CTNNA3: variants seen among roughly 807,000 people sequenced by gnomAD.
The protein encoded by CTNNA3 is catenin alpha 3, also known as catenin alpha-3.
A neutral mutation model predicts 95.7 loss-of-function variants in CTNNA3; 76 were observed. That is an observed-to-expected ratio of 0.79 (90% CI 0.66 to 0.96). CTNNA3 has a LOEUF of 0.96. CTNNA3 is among the 40% of genes least tolerant of loss of function. The pLI, the probability that CTNNA3 is intolerant of heterozygous loss-of-function variation, is 0.00. For synonymous variants in CTNNA3, 431 were observed against 374.4 expected (o/e 1.15, Z -1.74); for missense variants, 1,191 against 1,089.8 (o/e 1.09, Z -1.31).
chr10:67,724,889 A>C (rs1279920031), intron 1 of CTNNA3, among the ~76,000 whole-genome samples: 1 of 152,150 alleles, frequency 6.6e-6, no homozygotes, highest in Non-Finnish European at 1.5e-5. Flanking sequence ...CCAAATACAT[A>C]TTTATACAAC....
chr10:66,798,470 A>C (rs1042064372), intron 7 of CTNNA3, among the ~76,000 whole-genome samples: 1 of 151,748 alleles, frequency 6.6e-6, no homozygotes, highest in Non-Finnish European at 1.5e-5. Context: ...AAAATGGTGT[A>C]AAAGTGATGG....
intron 1 of CTNNA3, among the ~76,000 whole-genome samples, chr10:67,728,416 A>G (rs116184503): frequency 0.018 from 2,730 of 149,748 alleles, 85 homozygotes; most frequent in African/African-American, 0.063. Flanking sequence ...AATATATACT[A>G]TATGTATGTA....
At chr10:66,893,170 A>G (rs1465137976) in intron 7 of CTNNA3, among the ~76,000 whole-genome samples, 1 of 152,130 alleles carries the variant, frequency 6.6e-6, no homozygotes, top group Non-Finnish European at 1.5e-5. Flanking sequence ...CCGTGCATGC[A>G]GTTCTCTGTT....
chr10:67,048,453 C>T (rs1023459001), intron 7 of CTNNA3, among the ~76,000 whole-genome samples: 3 of 152,024 alleles, frequency 2.0e-5, no homozygotes, highest in African/African-American at 4.8e-5. Context: ...TTTTCATTCA[C>T]TGTCAGGTAC....
chr10:66,131,934 A>C (rs2083124268), intron 13 of CTNNA3, among the ~76,000 whole-genome samples: 1 of 152,200 alleles, frequency 6.6e-6, no homozygotes, highest in African/African-American at 2.4e-5. Flanking sequence ...TGTAATACCT[A>C]AAATTATAAA....
intron 5 of CTNNA3, among the ~76,000 whole-genome samples, chr10:67,368,224 A>G (rs1311492531): frequency 6.6e-6 from 1 of 152,264 alleles, no homozygotes; most frequent in Non-Finnish European, 1.5e-5. Context: ...ATCTCACCAA[A>G]GAAGATGTAG....
intron 12 of CTNNA3, among the ~76,000 whole-genome samples, chr10:66,313,355 C>G (rs1204010844): frequency 6.6e-6 from 1 of 152,210 alleles, no homozygotes; most frequent in Non-Finnish European, 1.5e-5. Flanking sequence ...TTCCAATGAA[C>G]TTACCAACTC....
chr10:67,149,533 C>T (rs1188362983), intron 7 of CTNNA3, among the ~76,000 whole-genome samples: 2 of 152,132 alleles, frequency 1.3e-5, no homozygotes, highest in South Asian at 2.1e-4. Context: ...TGCAGTGAGC[C>T]GAGATTGCGC....
chr10:66,670,132 G>T (rs1468092364), intron 9 of CTNNA3, among the ~76,000 whole-genome samples: 1 of 152,120 alleles, frequency 6.6e-6, no homozygotes, highest in African/African-American at 2.4e-5. Flanking sequence ...TATTATGAGA[G>T]TAATATGTCC....
At position 66,331,695 on chromosome 10, in the gene CTNNA3, G is replaced by A. The variant is rs555274729; in HGVS notation, c.1732+47457C>T. ...TTGGTACCAGTACCATGCTGTTTTG[G>A]TTACTGTAGCCTTGTAGTATAGTTT... is the stretch of plus-strand genomic sequence containing the variant. On this transcript the variant is annotated intron_variant, in intron 12 of 17. Transcript: ENST00000433211. Among the ~76,000 whole-genome samples, 31 of 151,980 alleles carry A rather than the reference G, an allele frequency of 2.0e-4. 1 individual carries two copies. Among genetic ancestry groups the A allele is most frequent in the South Asian group, 6.2e-4 (3 of 4,812 alleles).
At chr10:66,596,371 C>G (rs898432639) in intron 10 of CTNNA3, among the ~76,000 whole-genome samples, 1 of 152,062 alleles carries the variant, frequency 6.6e-6, no homozygotes. Context: ...CCTATGCTCA[C>G]CCACAGACAA....
intron 12 of CTNNA3, among the ~76,000 whole-genome samples, chr10:66,354,000 C>T (rs1046926100): frequency 1.3e-5 from 2 of 151,980 alleles, no homozygotes; most frequent in African/African-American, 2.4e-5. Flanking sequence ...TCCGTGAACA[C>T]GGCCAGACGC....
At chr10:66,220,188 T>C (rs750370058) in intron 13 of CTNNA3, among the ~76,000 whole-genome samples, 6 of 152,058 alleles carry the variant, frequency 3.9e-5, no homozygotes, top group Admixed American at 3.3e-4. Flanking sequence ...AAGATTTATC[T>C]GACACAGAAA....
At chr10:66,281,024 A>C (rs532038505) in intron 12 of CTNNA3, among the ~76,000 whole-genome samples, 1 of 152,090 alleles carries the variant, frequency 6.6e-6, no homozygotes, top group African/African-American at 2.4e-5. Context: ...GGAATTGTAA[A>C]CACAAAGATA....
At chr10:66,383,515 A>G (rs2092860235) in intron 11 of CTNNA3, among the ~76,000 whole-genome samples, 1 of 152,136 alleles carries the variant, frequency 6.6e-6, no homozygotes, top group African/African-American at 2.4e-5. Flanking sequence ...CAGTTGGAAA[A>G]CACTCTGCAG....
At chr10:67,205,360 A>T (rs1298832621) in intron 6 of CTNNA3, among the ~76,000 whole-genome samples, 1 of 152,134 alleles carries the variant, frequency 6.6e-6, no homozygotes, top group Non-Finnish European at 1.5e-5. Context: ...TCCTGTATGA[A>T]GGTTTTCTGG....
At chr10:67,013,110 T>C (rs1459573268) in intron 7 of CTNNA3, 1 of 152,138 alleles carries the variant, frequency 6.6e-6, no homozygotes, top group East Asian at 1.9e-4. Context: ...CATCTTTCAT[T>C]TTCTACATGG....
chr10:66,787,508 C>T (rs1840796006), intron 7 of CTNNA3, among the ~76,000 whole-genome samples: 1 of 152,038 alleles, frequency 6.6e-6, no homozygotes, highest in African/African-American at 2.4e-5. Flanking sequence ...CTCTGTCTCT[C>T]CTTCCTCTCC....
At chr10:66,806,261 T>TTGTGTGTGTGTGTGTGTG (rs59596203) in intron 7 of CTNNA3, among the ~76,000 whole-genome samples, 4 of 143,958 alleles carry the variant, frequency 2.8e-5, no homozygotes, top group African/African-American at 1.0e-4. Flanking sequence ...ATATTGGTGT[T>TTGTGTGTGTGTGTGTGTG]TGTGTGTGTG....
Sources: gnomAD v4.1 joint callset for allele counts (sites outside exome capture counted in the v4.1 genomes callset) on GRCh38, gnomAD v4.1.1 for gene constraint, MANE v1.5 for transcripts, NCBI Gene and HGNC (gene_info 2026-07-23, HGNC 2026-07-21) for gene names.